Variants in ETNK1 observed in about 807,000 individuals in gnomAD.
ETNK1 encodes ethanolamine kinase 1, also known as putative protein product of Nbla10396.
ETNK1 carries 8 observed loss-of-function variants against 45.1 expected under a neutral mutation model. The ratio of observed to expected loss-of-function variants is 0.18; its 90% CI spans 0.10 to 0.32. ETNK1 has a LOEUF of 0.32. Among genes scored for constraint, ETNK1 ranks in the 10% least tolerant of loss-of-function variants. ETNK1 has a pLI of 1.00. For synonymous variants in ETNK1, 152 were observed against 151.9 expected (o/e 1.00, Z -0.01); for missense variants, 302 against 430.6 (o/e 0.70, Z 2.64).
At position 22,625,409 on chromosome 12, in the gene ETNK1, A is replaced by G; in HGVS notation, c.-22A>G. The G allele has an allele frequency of 6.4e-7, 1 of 1,569,106 alleles. No homozygotes were observed. The highest frequency in any genetic ancestry group is 8.6e-7 in the Non-Finnish European group (1 of 1,160,062). ...TCGCCGTCGCCGTCGTCGTGGTGGT[A>G]GTCTCCGCCGTCGCCTGGGCCATGG... On this transcript the variant is annotated 5_prime_UTR_variant, in exon 1 of 8. Transcript: ENST00000266517.
intron 2 of ETNK1, among the ~76,000 whole-genome samples, 160 bp from the exon 3 acceptor site, chr12:22,658,854 A>C (rs1006528205): frequency 8.5e-5 from 13 of 152,216 alleles, no homozygotes; most frequent in Non-Finnish European, 1.5e-4. Flanking sequence ...AAACTGACTC[A>C]GTAGGGTTCT....
In ETNK1 at chr12:22,687,350, T is replaced by C. The variant is rs1346208169; in HGVS notation, c.*2396T>C. ...TCCCTCTAAAATCTGTCCTGTGGTG[T>C]GCTAAGATGTCTGTTGCCTTTTTAT... is the stretch of plus-strand genomic sequence containing the variant. On this transcript the variant is annotated 3_prime_UTR_variant, in exon 8 of 8. Coordinates refer to ENST00000266517, the MANE Select transcript of ETNK1 (RefSeq NM_018638.5). 6.6e-6 allele frequency: 1 copy of C among 152,264 alleles called. No homozygotes were observed. Among genetic ancestry groups the C allele is most frequent in the Non-Finnish European group, 1.5e-5 (1 of 67,774 alleles). 9.4% of individuals were successfully genotyped at this position (152,264 alleles called of 1,614,324 possible). A position where few individuals can be genotyped will look rare whatever the true frequency, so the allele number is the denominator to read the frequency against.
intron 1 of ETNK1, among the ~76,000 whole-genome samples, chr12:22,636,388 G>T (rs1342202106): frequency 1.3e-5 from 2 of 151,974 alleles, no homozygotes; most frequent in East Asian, 3.9e-4. Flanking sequence ...TTTATTATGG[G>T]ATTTGTTTAA....
At chr12:22,671,499 G>A in intron 5 of ETNK1, 144 bp downstream of exon 5, 1 of 654,078 alleles carries the variant, frequency 1.5e-6, no homozygotes, top group African/African-American at 1.8e-5. Flanking sequence ...GTTTATCACT[G>A]GAAGAAAGCA....
intron 6 of ETNK1, among the ~76,000 whole-genome samples, chr12:22,674,225 C>G (rs1024988038): frequency 1.3e-5 from 2 of 152,060 alleles, no homozygotes; most frequent in South Asian, 4.1e-4. Context: ...AAAATGAGCT[C>G]ATTATCTTTT....
At chr12:22,642,489 A>G (rs1041422243) in intron 1 of ETNK1, among the ~76,000 whole-genome samples, 1 of 152,040 alleles carries the variant, frequency 6.6e-6, no homozygotes, top group South Asian at 2.1e-4. Flanking sequence ...ATACTAGTTC[A>G]TGAAGTTTTA....
intron 1 of ETNK1, among the ~76,000 whole-genome samples, chr12:22,636,709 T>C (rs10842043): frequency 0.29 from 43,938 of 152,038 alleles, 6,655 homozygotes; most frequent in Non-Finnish European, 0.33. Flanking sequence ...GTACTGAACA[T>C]GTGCAGATAT....
intron 2 of ETNK1, 200 bp downstream of exon 2, chr12:22,644,222 T>A: frequency 6.2e-7 from 1 of 1,604,912 alleles, no homozygotes; most frequent in African/African-American, 1.3e-5. Context: ...TTATCATCGT[T>A]GACTCTTTGC....
chr12:22,639,312 G>A (rs1225316732), intron 1 of ETNK1, among the ~76,000 whole-genome samples: 13 of 152,086 alleles, frequency 8.5e-5, no homozygotes, highest in Non-Finnish European at 1.3e-4. Context: ...CTCCCAAAGG[G>A]TTGGGATTAT....
chr12:22,636,687 A>G (rs187005250), intron 1 of ETNK1, among the ~76,000 whole-genome samples: 2 of 152,306 alleles, frequency 1.3e-5, no homozygotes, highest in Non-Finnish European at 2.9e-5. Flanking sequence ...GAAAAAAAAG[A>G]TGGTTGTTTC....
intron 5 of ETNK1, 84 bp from the exon 6 acceptor site, chr12:22,673,416 A>G: frequency 9.6e-7 from 1 of 1,042,988 alleles, no homozygotes; most frequent in African/African-American, 1.6e-5. Context: ...TTTTTATGAA[A>G]AAATGGTGGT....
chr12:22,644,618 A>G lies in ETNK1; in HGVS notation c.416+596A>G, dbSNP rs1288194071. The stretch of plus-strand genomic sequence containing the variant: ...GCAGTTTGCAACCATTTTGGTCTCA[A>G]GACCTCTTTATAGCTCTTTGGGCTC... On this transcript the variant is annotated intron_variant, in intron 2 of 7. Coordinates refer to ENST00000266517, the MANE Select transcript of ETNK1 (RefSeq NM_018638.5). The G allele has an allele frequency of 2.0e-4, 36 of 177,220 alleles. 2 individuals are homozygous for G. In the Admixed American group the frequency reaches 2.2e-3, roughly 11 times the overall value. 11.0% of individuals were successfully genotyped at this position (177,220 alleles called of 1,614,324 possible).
intron 4 of ETNK1, among the ~76,000 whole-genome samples, chr12:22,669,455 A>G (rs796546573): frequency 5.3e-5 from 8 of 151,770 alleles, no homozygotes; most frequent in African/African-American, 1.9e-4. Flanking sequence ...GCATATTTTA[A>G]TTTGGATCAC....
chr12:22,684,772 T>C, intron 7 of ETNK1, 110 bp from the exon 8 acceptor site: 2 of 915,866 alleles, frequency 2.2e-6, no homozygotes, highest in South Asian at 3.5e-5. Flanking sequence ...ATATGTCCTT[T>C]GAAAATCTTA....
chr12:22,671,371 T>A lies in ETNK1; in HGVS notation c.784+16T>A. ...GAATTTGCAGGTATAACTAATGGAG[T>A]AACTTATTTAGCTTTGAAACGATAT... On this transcript the variant is annotated intron_variant, in intron 5 of 7. Transcript: ENST00000266517. 7.0e-7 allele frequency: 1 copy of A among 1,423,330 alleles called. No homozygotes were observed. The highest frequency in any genetic ancestry group is 9.9e-7 in the Non-Finnish European group (1 of 1,008,664). The allele number at this position is 1,423,330 out of a possible 1,614,324, so 88.2% of individuals were successfully genotyped here.
intron 4 of ETNK1, among the ~76,000 whole-genome samples, chr12:22,670,621 A>G (rs1409573734): frequency 6.6e-6 from 1 of 152,116 alleles, no homozygotes; most frequent in Non-Finnish European, 1.5e-5. Context: ...GTTAAAAGAA[A>G]CCATACTTTT....
intron 6 of ETNK1, among the ~76,000 whole-genome samples, chr12:22,681,667 C>T (rs967235608): frequency 3.3e-5 from 5 of 151,880 alleles, no homozygotes; most frequent in East Asian, 1.9e-4. Context: ...ATTACATTAA[C>T]GCAAATGCCA....
chr12:22,646,922 G>A (rs1953815116), intron 2 of ETNK1, among the ~76,000 whole-genome samples: 1 of 151,762 alleles, frequency 6.6e-6, no homozygotes, highest in Non-Finnish European at 1.5e-5. Flanking sequence ...AAGGCTTTCA[G>A]AGAAAGTACA....
chr12:22,677,908 G>A (rs1479886913), intron 6 of ETNK1, among the ~76,000 whole-genome samples: 1 of 151,948 alleles, frequency 6.6e-6, no homozygotes, highest in African/African-American at 2.4e-5. Context: ...AGGAGATTTT[G>A]AAAAGCCCTT....
Sources: allele counts gnomAD v4.1 joint callset (sites outside exome capture counted in the v4.1 genomes callset), GRCh38; gene constraint gnomAD v4.1.1; transcripts MANE v1.5; gene names NCBI Gene and HGNC (gene_info 2026-07-23, HGNC 2026-07-21).